Variants in PPM1D observed in about 807,000 individuals in gnomAD.
PPM1D encodes the protein protein phosphatase, Mg2+/Mn2+ dependent 1D, also known as protein phosphatase 1D.
Under a neutral mutation model 58.3 loss-of-function variants are expected in PPM1D, and 52 were observed. The observed-to-expected ratio is 0.89, with a 90% CI of 0.71 to 1.12. The LOEUF (loss-of-function observed/expected upper bound fraction) is 1.12, where lower values mean the gene tolerates loss of function less well. Among genes scored for constraint, PPM1D ranks in the 50% most tolerant of loss-of-function variants. The pLI, the probability that PPM1D is intolerant of heterozygous loss-of-function variation, is 0.00. For missense variants in PPM1D, 564 were observed against 777.2 expected (o/e 0.73, Z 3.26); for synonymous variants, 278 against 285.1 (o/e 0.98, Z 0.25).
intron 5 of PPM1D, among the ~76,000 whole-genome samples, chr17:60,657,298 G>A (rs867000101): frequency 5.3e-5 from 8 of 152,200 alleles, no homozygotes; most frequent in Middle Eastern, 3.4e-3. Flanking sequence ...CTGTTAACTC[G>A]TATAAGAAAC....
At chr17:60,634,367 T>C (rs919870189) in intron 3 of PPM1D, among the ~76,000 whole-genome samples, 1 of 152,140 alleles carries the variant, frequency 6.6e-6, no homozygotes, top group South Asian at 2.1e-4. Flanking sequence ...ATCGCATCAC[T>C]GCACTCCAGC....
At chr17:60,609,414 A>T (rs2030406680) in intron 1 of PPM1D, among the ~76,000 whole-genome samples, 1 of 151,194 alleles carries the variant, frequency 6.6e-6, no homozygotes, top group Non-Finnish European at 1.5e-5. Flanking sequence ...TATAACTTAT[A>T]TATGACATCT....
rs540447595 is a variant in PPM1D, at chr17:60,650,434, C to G, written c.1017+2352C>G. Reference sequence around the variant, plus strand: ...GACGTGGTGACTCGCACCTGTAATCCCAGTTACTCAGGAGGCTGATGCAGG... The same window carrying G: ...GACGTGGTGACTCGCACCTGTAATCGCAGTTACTCAGGAGGCTGATGCAGG... On this transcript the variant is annotated intron_variant, in intron 4 of 5. Transcript: ENST00000305921. 3.3e-5 allele frequency among the ~76,000 whole-genome samples: 5 copies of G among 152,194 alleles called. No homozygotes were observed. The South Asian group carries it at 1.0e-3, about 32-fold the overall frequency.
At chr17:60,617,800 G>C (rs2030615356) in intron 1 of PPM1D, among the ~76,000 whole-genome samples, 1 of 151,978 alleles carries the variant, frequency 6.6e-6, no homozygotes, top group Non-Finnish European at 1.5e-5. Flanking sequence ...TATAGAAAAG[G>C]TCATAAAACA....
chr17:60,610,353 A>G (rs2030429796), intron 1 of PPM1D, among the ~76,000 whole-genome samples: 1 of 152,026 alleles, frequency 6.6e-6, no homozygotes, highest in Non-Finnish European at 1.5e-5. Context: ...GTATTGTATG[A>G]TTTCTTCATG....
chr17:60,622,847 A>G (rs2030733116), intron 1 of PPM1D, among the ~76,000 whole-genome samples: 1 of 152,252 alleles, frequency 6.6e-6, no homozygotes, highest in Non-Finnish European at 1.5e-5. Context: ...CCATGATCCC[A>G]GCACTTTGGG....
Position 60,656,783 on chromosome 17 carries a change from A to T in PPM1D, c.1202A>T (p.Tyr401Phe), listed in dbSNP as rs140305993. The change falls in exon 5 of 6, where the codon TAT becomes TTT. Residue 401 changes from tyrosine (Y) to phenylalanine (F), a missense_variant. Physicochemically the swap from Tyr to Phe is conservative, Grantham distance 22. This residue lies in a region of PPM1D where 261 missense variants were observed against 270.1 expected (regional missense o/e 0.97). Transcript: ENST00000305921. ...LYLNLTDSPS[Y>F]NSQETCVMTP... Reference sequence around the variant, plus strand: ...CTGAACCTGACTGACAGCCCTTCCTATAATAGTCAAGAAACCTGTGTGATG... The same window carrying T: ...CTGAACCTGACTGACAGCCCTTCCTTTAATAGTCAAGAAACCTGTGTGATG... 7.4e-6 allele frequency: 12 copies of T among 1,614,070 alleles called. No individual in the cohort carries two copies. The highest frequency in any genetic ancestry group is 4.0e-5 in the African/African-American group (3 of 74,930).
chr17:60,619,077 A>G (rs1021850977), intron 1 of PPM1D, among the ~76,000 whole-genome samples: 6 of 152,020 alleles, frequency 3.9e-5, no homozygotes, highest in African/African-American at 7.2e-5. Context: ...CCGTCCTTCT[A>G]CTCTTTCCTT....
intron 1 of PPM1D, among the ~76,000 whole-genome samples, chr17:60,607,933 G>T (rs904361218): frequency 1.3e-5 from 2 of 152,184 alleles, no homozygotes; most frequent in African/African-American, 4.8e-5. Flanking sequence ...ATAAATTGTT[G>T]GTTCTAGATT....
chr17:60,633,384 C>G (rs747211041), intron 2 of PPM1D, among the ~76,000 whole-genome samples: 4 of 152,108 alleles, frequency 2.6e-5, no homozygotes, highest in Non-Finnish European at 5.9e-5. Context: ...TTTTTAATTG[C>G]TTATATCACA....
chr17:60,653,820 C>G (rs1380807387), intron 4 of PPM1D, among the ~76,000 whole-genome samples: 1 of 152,104 alleles, frequency 6.6e-6, no homozygotes, highest in Non-Finnish European at 1.5e-5. Flanking sequence ...TTCTTGATTT[C>G]TTTTTCAGAT....
chr17:60,618,890 T>C (rs2030639157), intron 1 of PPM1D, among the ~76,000 whole-genome samples: 1 of 152,158 alleles, frequency 6.6e-6, no homozygotes, highest in African/African-American at 2.4e-5. Flanking sequence ...ATAGTTACCT[T>C]TTTTTGGTGG....
chr17:60,645,075 T>C (rs977274791), intron 3 of PPM1D, among the ~76,000 whole-genome samples: 6 of 152,092 alleles, frequency 3.9e-5, no homozygotes, highest in Non-Finnish European at 8.8e-5. Context: ...AGATTGAGGC[T>C]GGGCGTGGTG....
chr17:60,625,771 T>C (rs1193948309), intron 2 of PPM1D, among the ~76,000 whole-genome samples: 8 of 152,178 alleles, frequency 5.3e-5, no homozygotes, highest in Admixed American at 5.2e-4. Flanking sequence ...GTGTTAGCAA[T>C]GCAGAGACAT....
chr17:60,652,236 T>C (rs1444702527), intron 4 of PPM1D, among the ~76,000 whole-genome samples: 1 of 152,040 alleles, frequency 6.6e-6, no homozygotes, highest in Non-Finnish European at 1.5e-5. Flanking sequence ...ATGAGTGAGA[T>C]CATGTCTTTC....
At chr17:60,626,401 T>G (rs561096262) in intron 2 of PPM1D, among the ~76,000 whole-genome samples, 1 of 137,238 alleles carries the variant, frequency 7.3e-6, no homozygotes, top group South Asian at 2.3e-4. Flanking sequence ...GTTTTTTTTG[T>G]TTTTTTTTTT....
chr17:60,663,330 AAACTT>A lies in PPM1D; in HGVS notation c.1597_1601del (p.Asn533Ter). On this transcript the variant is annotated frameshift_variant, in exon 6 of 6. Transcript: ENST00000305921. LOFTEE classifies it high-confidence loss of function. ...AAGAAATTGAAAGAACCCCTCCAAC[AAACTT>A]TAAAAGGACATTAGAAGAGTCCAAT... The A allele has an allele frequency of 6.2e-7, 1 of 1,614,190 alleles. No homozygotes were observed. Among genetic ancestry groups the A allele is most frequent in the Non-Finnish European group, 8.5e-7 (1 of 1,180,024 alleles).
chr17:60,641,575 A>G (rs765122177), intron 3 of PPM1D, among the ~76,000 whole-genome samples: 1 of 152,188 alleles, frequency 6.6e-6, no homozygotes, highest in Non-Finnish European at 1.5e-5. Context: ...TTTGCTGTGC[A>G]GAAGCTCTTT....
chr17:60,655,545 C>T (rs374104394), intron 4 of PPM1D, among the ~76,000 whole-genome samples: 3 of 152,078 alleles, frequency 2.0e-5, no homozygotes, highest in South Asian at 2.1e-4. Context: ...GATGGGGTTT[C>T]GCCATGTTGG....
Sources: allele counts gnomAD v4.1 joint callset (sites outside exome capture counted in the v4.1 genomes callset), GRCh38; gene constraint gnomAD v4.1.1; regional missense constraint gnomAD v4.1.1; transcripts MANE v1.5; gene names NCBI Gene and HGNC (gene_info 2026-07-23, HGNC 2026-07-21).